Variants in PCSK5 observed in about 807,000 individuals in gnomAD.
The protein encoded by PCSK5 is proprotein convertase subtilisin/kexin type 5, also known as prohormone convertase 5.
PCSK5 carries 129 observed loss-of-function variants against 233.2 expected under a neutral mutation model. That is an observed-to-expected ratio of 0.55 (90% CI 0.48 to 0.64). The LOEUF (loss-of-function observed/expected upper bound fraction) is 0.64. Among genes scored for constraint, PCSK5 ranks in the 30% least tolerant of loss-of-function variants. PCSK5 has a pLI of 0.00. For synonymous variants in PCSK5, 825 were observed against 879.2 expected (o/e 0.94, Z 1.09); for missense variants, 2,076 against 2,430.1 (o/e 0.85, Z 3.06).
At chr9:76,054,985 T>C (rs540000035) in intron 5 of PCSK5, among the ~76,000 whole-genome samples, 154 of 152,332 alleles carry the variant, frequency 1.0e-3, no homozygotes, top group African/African-American at 3.7e-3. Flanking sequence ...TACTATGAAA[T>C]ATACTTTTCA....
At chr9:76,019,241 C>G (rs556440096) in intron 3 of PCSK5, among the ~76,000 whole-genome samples, 1 of 145,194 alleles carries the variant, frequency 6.9e-6, no homozygotes, top group African/African-American at 2.6e-5. Context: ...GTTATATTTT[C>G]ACTTAAGGAA....
chr9:76,244,278 C>T (rs187876036), intron 24 of PCSK5, among the ~76,000 whole-genome samples: 8 of 152,154 alleles, frequency 5.3e-5, no homozygotes, highest in Non-Finnish European at 7.4e-5. Context: ...ACTATTAGAA[C>T]TATAAGGAAG....
chr9:76,273,585 A>ATATATATATG lies in PCSK5; in HGVS notation c.3143-18639_3143-18638insGTATATATAT, dbSNP rs1554715309. On this transcript the variant is annotated intron_variant, in intron 24 of 37. Coordinates refer to ENST00000674117, the MANE Select transcript of PCSK5 (RefSeq NM_001372043.1). ...TAGTAATATATATATACATATATAT[A>ATATATATATG]TATATATATATTTGTACTGCTTCTT... Among the ~76,000 whole-genome samples, 429 of 145,270 alleles carry ATATATATATG rather than the reference A, an allele frequency of 3.0e-3. 8 individuals are homozygous for ATATATATATG. The highest frequency in any genetic ancestry group is 0.01 in the African/African-American group (416 of 39,706).
chr9:76,328,145 T>G lies in PCSK5; in HGVS notation c.4476T>G (p.Ala1492=). The part of the protein sequence containing the change: ...CSPSEYWDED[A]PGCKPCHVKC... The stretch of plus-strand genomic sequence containing the variant: ...CCTCCGAGTACTGGGATGAGGATGC[T>G]CCCGGGTGCAAGCCCTGCCATGTTA... Residue 1492 remains alanine, a synonymous_variant, in exon 33 of 38, where the codon GCT becomes GCG. Coordinates refer to ENST00000674117, the MANE Select transcript of PCSK5 (RefSeq NM_001372043.1). 2 of 1,612,818 alleles carry G rather than the reference T, an allele frequency of 1.2e-6. No individual in the cohort carries two copies. Among genetic ancestry groups the G allele is most frequent in the Non-Finnish European group, 1.7e-6 (2 of 1,179,868 alleles).
intron 7 of PCSK5, among the ~76,000 whole-genome samples, chr9:76,094,042 C>G (rs1192591719): frequency 6.6e-6 from 1 of 152,158 alleles, no homozygotes; most frequent in Admixed American, 6.5e-5. Context: ...AGCTGTCGAG[C>G]AGCAATAGCA....
At position 76,301,498 on chromosome 9, in the gene PCSK5, A is replaced by G. The variant is rs747937722; in HGVS notation, c.3524-639A>G. Among the ~76,000 whole-genome samples, 134 of 152,246 alleles carry G rather than the reference A, an allele frequency of 8.8e-4. 1 individual carries two copies. Among genetic ancestry groups the G allele is most frequent in the Admixed American group, 1.5e-3 (23 of 15,286 alleles). On this transcript the variant is annotated intron_variant, in intron 27 of 37. Transcript: ENST00000674117. ...ACAATCTCAAAAATATAACAAAAGA[A>G]AAAAGCTAAATGAATTACCATCCAT...
At chr9:76,023,201 T>C (rs1828276285) in intron 3 of PCSK5, among the ~76,000 whole-genome samples, 1 of 152,208 alleles carries the variant, frequency 6.6e-6, no homozygotes, top group African/African-American at 2.4e-5. Context: ...AGTTTATGCT[T>C]TTCCAAAAGA....
chr9:75,908,925 C>CTA (rs1554704504), intron 1 of PCSK5, among the ~76,000 whole-genome samples: 6,811 of 102,802 alleles, frequency 0.066, 272 homozygotes, highest in African/African-American at 0.1. Context: ...CTATCTATCT[C>CTA]TCTATCTCTC....
intron 34 of PCSK5, among the ~76,000 whole-genome samples, chr9:76,337,860 T>C (rs1829722677): frequency 6.6e-6 from 1 of 152,028 alleles, no homozygotes; most frequent in Non-Finnish European, 1.5e-5. Context: ...AAAAGATCCT[T>C]CCATTCTCTG....
chr9:76,355,233 G>A (rs1293202674), intron 37 of PCSK5, among the ~76,000 whole-genome samples: 6 of 152,162 alleles, frequency 3.9e-5, no homozygotes, highest in Admixed American at 6.5e-5. Flanking sequence ...AGCACTTTGC[G>A]GAGCCAAGGA....
intron 1 of PCSK5, among the ~76,000 whole-genome samples, chr9:75,892,437 G>C (rs528079715): frequency 1.0e-3 from 155 of 152,342 alleles, no homozygotes; most frequent in African/African-American, 3.6e-3. Context: ...GGGGTTGGCC[G>C]GAGGGGCGGG....
intron 17 of PCSK5, among the ~76,000 whole-genome samples, chr9:76,185,133 C>T (rs995519027): frequency 1.3e-5 from 2 of 152,158 alleles, no homozygotes; most frequent in African/African-American, 4.8e-5. Flanking sequence ...CTTGGATGGT[C>T]GGAAATTATT....
At position 76,102,275 on chromosome 9, in the gene PCSK5, C is replaced by A. The variant is rs138824144; in HGVS notation, c.1108-4976C>A. On this transcript the variant is annotated intron_variant, in intron 8 of 37. Coordinates refer to ENST00000674117, the MANE Select transcript of PCSK5 (RefSeq NM_001372043.1). The stretch of plus-strand genomic sequence containing the variant: ...TTTGTCCTTGGGCAAGTTACTTAAC[C>A]CCTCTGAGCCTCTATTTCCTTAGCT... Among the ~76,000 whole-genome samples the A allele has an allele frequency of 2.0e-4, 30 of 152,228 alleles. 1 individual carries two copies. In the East Asian group the frequency reaches 5.6e-3, roughly 28 times the overall value.
intron 20 of PCSK5, among the ~76,000 whole-genome samples, chr9:76,216,694 CT>C (rs2131294412): frequency 6.6e-6 from 1 of 152,246 alleles, no homozygotes; most frequent in East Asian, 1.9e-4. Context: ...CTGAATAGAA[CT>C]TTGGTGCCAA....
At chr9:76,193,413 GA>G in intron 20 of PCSK5, 1 of 979,814 alleles carries the variant, frequency 1.0e-6, no homozygotes, top group East Asian at 3.3e-5. Flanking sequence ...TTATTAAAAA[GA>G]AAAAAGCCAA....
intron 37 of PCSK5, 56 bp from the exon 38 acceptor site, chr9:76,358,457 T>C: frequency 7.2e-7 from 1 of 1,387,236 alleles, no homozygotes; most frequent in Non-Finnish European, 1.0e-6. Context: ...TTTTCTCTAT[T>C]CTATTTCTTT....
At chr9:76,326,875 A>G (rs1335369105) in intron 32 of PCSK5, among the ~76,000 whole-genome samples, 1 of 152,166 alleles carries the variant, frequency 6.6e-6, no homozygotes, top group Non-Finnish European at 1.5e-5. Context: ...ATAAAACTTG[A>G]GAGATGTCTT....
rs144858587 is a variant in PCSK5 at position 75,896,246 on chromosome 9, A to G, written c.192+4873A>G. Among the ~76,000 whole-genome samples, 19 of 152,324 alleles carry G rather than the reference A, an allele frequency of 1.2e-4. No individual in the cohort carries two copies. The East Asian group carries it at 1.3e-3, about 11-fold the overall frequency. ...GGTCTGGTGATGGCGTGTCTGCTGC[A>G]TTAACCTCATAGATAAGGAATGGTT... On this transcript the variant is annotated intron_variant, in intron 1 of 37. Coordinates refer to ENST00000674117, the MANE Select transcript of PCSK5 (RefSeq NM_001372043.1).
At chr9:76,312,798 C>A (rs1256704701) in intron 30 of PCSK5, among the ~76,000 whole-genome samples, 2 of 151,664 alleles carry the variant, frequency 1.3e-5, no homozygotes, top group African/African-American at 4.8e-5. Flanking sequence ...ATTCTTCTAC[C>A]AACAATTGAT....
Sources: gnomAD v4.1 joint callset for allele counts (sites outside exome capture counted in the v4.1 genomes callset) on GRCh38, gnomAD v4.1.1 for gene constraint, MANE v1.5 for transcripts, NCBI Gene and HGNC (gene_info 2026-07-23, HGNC 2026-07-21) for gene names.